TANC2: variants seen among roughly 807,000 people sequenced by gnomAD.
The protein encoded by TANC2 is protein TANC2.
TANC2 carries 26 observed loss-of-function variants against 210.5 expected under a neutral mutation model. The ratio of observed to expected loss-of-function variants is 0.12; its 90% CI spans 0.09 to 0.17. The LOEUF (loss-of-function observed/expected upper bound fraction) is 0.17, where lower values mean the gene tolerates loss of function less well. Among genes scored for constraint, TANC2 ranks in the 10% least tolerant of loss-of-function variants. The pLI is 1.00. For synonymous variants in TANC2, 931 were observed against 967.1 expected (o/e 0.96, Z 0.69); for missense variants, 2,129 against 2,608.9 (o/e 0.82, Z 4.01).
chr17:63,389,407 A>G, exon 17 of TANC2: 1 of 1,614,004 alleles, frequency 6.2e-7, no homozygotes, highest in Non-Finnish European at 8.5e-7. Flanking sequence ...TCTTGGTTAC[A>G]CAGAAATGGT....
intron 7 of TANC2, among the ~76,000 whole-genome samples, chr17:63,235,905 C>G (rs1327889588): frequency 1.3e-5 from 2 of 151,832 alleles, no homozygotes; most frequent in Non-Finnish European, 2.9e-5. Flanking sequence ...TAAAATTTTT[C>G]TATTTGTGTA....
chr17:63,025,512 C>T (rs113101332), intron 2 of TANC2, among the ~76,000 whole-genome samples: 22 of 151,994 alleles, frequency 1.4e-4, no homozygotes, highest in African/African-American at 4.6e-4. Context: ...TAAGAGATCA[C>T]GGGGCAGGCA....
intron 6 of TANC2, among the ~76,000 whole-genome samples, chr17:63,195,252 C>T (rs2041306742): frequency 6.6e-6 from 1 of 152,142 alleles, no homozygotes; most frequent in Non-Finnish European, 1.5e-5. Context: ...TATTTAGCTT[C>T]CCACATTATA....
intron 15 of TANC2, among the ~76,000 whole-genome samples, chr17:63,385,278 C>T (rs1031595018): frequency 6.6e-6 from 1 of 152,118 alleles, no homozygotes; most frequent in South Asian, 2.1e-4. Context: ...TGATTTTTCT[C>T]TCTGAATTCG....
intron 14 of TANC2, among the ~76,000 whole-genome samples, chr17:63,363,431 A>G (rs1664678020): frequency 6.6e-6 from 1 of 152,150 alleles, no homozygotes; most frequent in Non-Finnish European, 1.5e-5. Flanking sequence ...AGAAGTCTCT[A>G]TCCAGACCAA....
At chr17:63,077,712 T>C (rs1019710936) in intron 3 of TANC2, among the ~76,000 whole-genome samples, 6 of 152,146 alleles carry the variant, frequency 3.9e-5, no homozygotes, top group South Asian at 4.1e-4. Context: ...ATGTCGTCAG[T>C]TCTTTAGCAG....
At chr17:63,265,806 GT>G (rs937964335) in intron 8 of TANC2, among the ~76,000 whole-genome samples, 56 of 108,354 alleles carry the variant, frequency 5.2e-4, no homozygotes, top group Admixed American at 3.8e-3. Context: ...TACACTTTCT[GT>G]TTTTTTTTTG....
intron 4 of TANC2, among the ~76,000 whole-genome samples, chr17:63,140,348 C>T (rs2039243869): frequency 6.6e-6 from 1 of 152,200 alleles, no homozygotes; most frequent in Admixed American, 6.5e-5. Flanking sequence ...AAAATGGCAG[C>T]AGATTCATAC....
At chr17:63,200,886 C>T (rs750331255) in exon 7 of TANC2, 1 of 1,613,804 alleles carries the variant, frequency 6.2e-7, no homozygotes, top group Non-Finnish European at 8.5e-7. Context: ...AATGCAACTG[C>T]CAAGGACTGC....
chr17:63,092,321 G>T (rs2144820900), intron 3 of TANC2, among the ~76,000 whole-genome samples: 1 of 151,790 alleles, frequency 6.6e-6, no homozygotes, highest in East Asian at 1.9e-4. Flanking sequence ...TATACCAGTT[G>T]ATATTGTCAC....
At chr17:63,019,135 A>G (rs1383317298) in intron 2 of TANC2, among the ~76,000 whole-genome samples, 2 of 152,288 alleles carry the variant, frequency 1.3e-5, no homozygotes, top group East Asian at 1.9e-4. Flanking sequence ...TCCATTTTAC[A>G]TTCCCACCAG....
chr17:63,251,621 CATAATTTT>C (rs1236488314), intron 8 of TANC2, among the ~76,000 whole-genome samples: 1 of 152,032 alleles, frequency 6.6e-6, no homozygotes, highest in Admixed American at 6.6e-5. Context: ...TAACACCAAC[CATAATTTT>C]ATTGTAGTCC....
At position 63,352,073 on chromosome 17, in the gene TANC2, G is replaced by C. The variant is rs1598919895; in HGVS notation, c.1974+657G>C. Among the ~76,000 whole-genome samples, 8 of 152,064 alleles carry C rather than the reference G, an allele frequency of 5.3e-5. No homozygotes were observed. The South Asian group carries it at 1.7e-3, about 32-fold the overall frequency. ...ATATGGGCTAAAGATAAATGACTCT[G>C]CTTTCCCCAGCCTTCTCATTGTAGC... On this transcript the variant is annotated intron_variant, in intron 13 of 27. Coordinates refer to ENST00000689528, the Ensembl canonical transcript of TANC2.
intron 9 of TANC2, among the ~76,000 whole-genome samples, chr17:63,297,770 G>C (rs999921867): frequency 5.9e-5 from 9 of 151,892 alleles, no homozygotes; most frequent in Non-Finnish European, 7.4e-5. Flanking sequence ...AAAATGAAAA[G>C]ACAGCCCACA....
At chr17:63,292,212 TTTGAGA>T (rs1212468081) in intron 9 of TANC2, among the ~76,000 whole-genome samples, 1 of 152,122 alleles carries the variant, frequency 6.6e-6, no homozygotes, top group Admixed American at 6.5e-5. Context: ...AGTGTCTTCC[TTTGAGA>T]TTGATAAGAA....
chr17:62,991,867 G>A (rs987892643), intron 1 of TANC2, among the ~76,000 whole-genome samples: 1 of 152,072 alleles, frequency 6.6e-6, no homozygotes, highest in Non-Finnish European at 1.5e-5. Context: ...TTTATTGAAA[G>A]CACTTCTTAA....
In TANC2 at chr17:63,163,024, T is replaced by C. The variant is rs536875792; in HGVS notation, c.433+11644T>C. On this transcript the variant is annotated intron_variant, in intron 5 of 27. Coordinates refer to ENST00000689528, the Ensembl canonical transcript of TANC2. ...GGGTTGGGGTTTGGCCAGATTGGAA[T>C]GAGAAGATTAAAGAGGATCAAGGGA... Among the ~76,000 whole-genome samples, 4 of 151,720 alleles carry C rather than the reference T, an allele frequency of 2.6e-5. No individual in the cohort carries two copies. In the South Asian group the frequency reaches 8.3e-4, roughly 32 times the overall value.
intron 8 of TANC2, among the ~76,000 whole-genome samples, chr17:63,250,470 C>T (rs917591589): frequency 3.3e-5 from 5 of 151,848 alleles, no homozygotes; most frequent in African/African-American, 1.2e-4. Context: ...GTAAGACTAG[C>T]GCTATAAGGT....
At chr17:63,043,383 T>C (rs1568339592) in intron 2 of TANC2, among the ~76,000 whole-genome samples, 1 of 152,052 alleles carries the variant, frequency 6.6e-6, no homozygotes, top group Admixed American at 6.6e-5. Flanking sequence ...CCATACATAA[T>C]TATAAACCCA....
Sources: gnomAD v4.1 joint callset for allele counts (sites outside exome capture counted in the v4.1 genomes callset) on GRCh38, gnomAD v4.1.1 for gene constraint, MANE v1.5 for transcripts, NCBI Gene and HGNC (gene_info 2026-07-23, HGNC 2026-07-21) for gene names.